The following IKZF2 variants were observed in gnomAD, a reference collection of about 807,000 sequenced individuals.
The protein encoded by IKZF2 is zinc finger protein Helios.
A neutral mutation model predicts 49.2 loss-of-function variants in IKZF2; 15 were observed. That is an observed-to-expected ratio of 0.30 (90% CI 0.20 to 0.47). IKZF2 has a LOEUF of 0.47. Ranked by LOEUF, IKZF2 falls within the 20% of genes least tolerant of loss-of-function variation. IKZF2 has a pLI of 1.00. For missense variants in IKZF2, 567 were observed against 664.6 expected, an observed-to-expected ratio of 0.85 and a Z score of 1.61; for synonymous variants, 227 against 221.4, an observed-to-expected ratio of 1.03 and a Z score of -0.23.
chr2:213,061,731 A>G (rs1701712304), intron 4 of IKZF2, among the ~76,000 whole-genome samples: 1 of 151,552 alleles, frequency 6.6e-6, no homozygotes, highest in Non-Finnish European at 1.5e-5. Flanking sequence ...TAAAGGTTTA[A>G]AGCTAAAGCA....
In IKZF2 at chr2:213,000,566, T is replaced by A. The variant is rs1694810686; in HGVS notation, c.*6794A>T. The A allele has an allele frequency of 6.6e-6, 1 of 151,726 alleles. No homozygotes were observed. Among genetic ancestry groups the A allele is most frequent in the Non-Finnish European group, 1.5e-5 (1 of 67,556 alleles). 9.4% of individuals were successfully genotyped at this position (151,726 alleles called of 1,614,324 possible). The stretch of plus-strand genomic sequence containing the variant: ...AAAACATGTATTTATATTACAGCAG[T>A]TTTACTACAGGGACACAGGTATAAA... On this transcript the variant is annotated 3_prime_UTR_variant, in exon 9 of 9. Coordinates refer to ENST00000434687, the MANE Select transcript of IKZF2 (RefSeq NM_001387220.1).
At chr2:213,070,527 T>C (rs1323015775) in intron 4 of IKZF2, among the ~76,000 whole-genome samples, 3 of 152,112 alleles carry the variant, frequency 2.0e-5, no homozygotes, top group Non-Finnish European at 4.4e-5. Context: ...ATCATCACTT[T>C]CCCATAATAA....
chr2:213,100,454 A>T (rs1706524787), intron 4 of IKZF2, among the ~76,000 whole-genome samples: 1 of 152,030 alleles, frequency 6.6e-6, no homozygotes, highest in African/African-American at 2.4e-5. Context: ...ACTTACATGA[A>T]TCTCAATTCA....
At chr2:213,063,361 C>T (rs1178057797) in intron 4 of IKZF2, among the ~76,000 whole-genome samples, 1 of 151,882 alleles carries the variant, frequency 6.6e-6, no homozygotes, top group Non-Finnish European at 1.5e-5. Context: ...TACCCTGCAC[C>T]TGAAGGCAGA....
chr2:213,043,010 C>T (rs1699813226), intron 6 of IKZF2, among the ~76,000 whole-genome samples: 1 of 152,000 alleles, frequency 6.6e-6, no homozygotes, highest in Admixed American at 6.6e-5. Context: ...ATGGAAAATG[C>T]TTAGTACAGT....
chr2:213,150,173 T>C lies in IKZF2; in HGVS notation c.-45A>G. 7.7e-7 allele frequency: 1 copy of C among 1,303,736 alleles called. No homozygotes were observed. Among genetic ancestry groups the C allele is most frequent in the Non-Finnish European group, 1.0e-6 (1 of 988,268 alleles). The allele number at this position is 1,303,736 out of a possible 1,614,324, so 80.8% of individuals were successfully genotyped here. The stretch of plus-strand genomic sequence containing the variant: ...GAAATTGTCCTTTGATTAAAAAAGA[T>C]TCATCACCATTTCCAGCTCTGTCGG... On this transcript the variant is annotated 5_prime_UTR_variant, in exon 2 of 9. Coordinates refer to ENST00000434687, the MANE Select transcript of IKZF2 (RefSeq NM_001387220.1).
intron 4 of IKZF2, among the ~76,000 whole-genome samples, chr2:213,107,845 C>T (rs1278239509): frequency 2.0e-5 from 3 of 152,032 alleles, no homozygotes; most frequent in East Asian, 1.9e-4. Context: ...ATGCTGAATT[C>T]GAAATCAAAA....
intron 4 of IKZF2, among the ~76,000 whole-genome samples, chr2:213,093,740 T>C (rs1705626158): frequency 6.6e-6 from 1 of 152,112 alleles, no homozygotes; most frequent in Non-Finnish European, 1.5e-5. Context: ...TAACTAGAAA[T>C]ACCCAATAAC....
chr2:213,062,723 C>T (rs1426401391), intron 4 of IKZF2, among the ~76,000 whole-genome samples: 1 of 151,880 alleles, frequency 6.6e-6, no homozygotes, highest in East Asian at 1.9e-4. Context: ...CTATGCCAGA[C>T]ACTTGAAATG....
intron 3 of IKZF2, among the ~76,000 whole-genome samples, chr2:213,148,150 C>T (rs2061145679): frequency 6.6e-6 from 1 of 152,044 alleles, no homozygotes; most frequent in Non-Finnish European, 1.5e-5. Flanking sequence ...GAGCATTTTC[C>T]AAAATGCTGG....
intron 4 of IKZF2, among the ~76,000 whole-genome samples, chr2:213,059,077 C>T (rs1040952366): frequency 6.6e-6 from 1 of 151,702 alleles, no homozygotes; most frequent in African/African-American, 2.4e-5. Flanking sequence ...CAGATTAAAA[C>T]TGGTATTTTA....
chr2:213,127,188 A>G (rs1191655255), intron 4 of IKZF2, among the ~76,000 whole-genome samples: 2 of 152,224 alleles, frequency 1.3e-5, no homozygotes, highest in Non-Finnish European at 2.9e-5. Context: ...ATTAGCTATG[A>G]AAACTGTAAA....
At chr2:213,008,310 C>A (rs1158659002) in intron 8 of IKZF2, among the ~76,000 whole-genome samples, 1 of 151,252 alleles carries the variant, frequency 6.6e-6, no homozygotes, top group Non-Finnish European at 1.5e-5. Flanking sequence ...CTGCTCACTG[C>A]AACCTCCACC....
rs978884124 is a variant in IKZF2, at chr2:213,015,777, GA to G, written c.713-1844del. 6.0e-5 allele frequency among the ~76,000 whole-genome samples: 9 copies of G among 148,780 alleles called. No homozygotes were observed. In the East Asian group the frequency reaches 9.8e-4, roughly 16 times the overall value. On this transcript the variant is annotated intron_variant, in intron 7 of 8. Coordinates refer to ENST00000434687, the MANE Select transcript of IKZF2 (RefSeq NM_001387220.1). The stretch of plus-strand genomic sequence containing the variant: ...GATCCAAAATGAAAGAATTTGGCAA[GA>G]AAAAAAAAATGTTGTTGTAAATTTT...
intron 4 of IKZF2, 189 bp downstream of exon 4, chr2:213,147,519 G>A: frequency 4.3e-6 from 3 of 690,878 alleles, no homozygotes; most frequent in Admixed American, 2.0e-5. Context: ...GGATAGTTCA[G>A]ACTAGTAAGC....
chr2:213,081,387 C>T (rs1482711770), intron 4 of IKZF2: 1 of 152,530 alleles, frequency 6.6e-6, no homozygotes, highest in East Asian at 1.9e-4. Flanking sequence ...AAAACAAAGT[C>T]ACAGAAGTAA....
intron 6 of IKZF2, among the ~76,000 whole-genome samples, chr2:213,031,652 GC>G (rs1408922855): frequency 1.3e-5 from 2 of 152,104 alleles, no homozygotes; most frequent in Non-Finnish European, 2.9e-5. Context: ...ATGGGACGAA[GC>G]AAAATATACA....
chr2:213,066,981 A>G (rs1175868513), intron 4 of IKZF2, among the ~76,000 whole-genome samples: 1 of 152,098 alleles, frequency 6.6e-6, no homozygotes, highest in African/African-American at 2.4e-5. Context: ...TGAAGACTGG[A>G]AAAGCATGCA....
At chr2:213,020,330 G>A (rs1004184299) in intron 7 of IKZF2, among the ~76,000 whole-genome samples, 3 of 152,044 alleles carry the variant, frequency 2.0e-5, no homozygotes, top group African/African-American at 4.8e-5. Flanking sequence ...GTTATTTAAT[G>A]TTCTCAAATG....
Sources: gnomAD v4.1 joint callset for allele counts (sites outside exome capture counted in the v4.1 genomes callset) on GRCh38, gnomAD v4.1.1 for gene constraint, MANE v1.5 for transcripts, NCBI Gene and HGNC (gene_info 2026-07-23, HGNC 2026-07-21) for gene names.